Variants in STK3 observed in about 807,000 individuals in gnomAD.
The protein encoded by STK3 is serine/threonine kinase 3.
In STK3, 41 loss-of-function variants were observed where a neutral mutation model predicts 58.0. That is an observed-to-expected ratio of 0.71 (90% CI 0.55 to 0.92). The LOEUF (loss-of-function observed/expected upper bound fraction) is 0.92. Among genes scored for constraint, STK3 ranks in the 40% least tolerant of loss-of-function variants. STK3 has a pLI of 0.00. For synonymous variants in STK3, 170 were observed against 191.0 expected (o/e 0.89, Z 0.91); for missense variants, 479 against 602.7 (o/e 0.79, Z 2.15).
At chr8:98,822,963 G>T (rs577385976) in intron 1 of STK3, among the ~76,000 whole-genome samples, 1 of 152,338 alleles carries the variant, frequency 6.6e-6, no homozygotes, top group South Asian at 2.1e-4. Context: ...GGATGCCAGA[G>T]GTTGCAGTGA....
At chr8:98,921,452 A>G (rs1839560092) in intron 1 of STK3, 1 of 152,984 alleles carries the variant, frequency 6.5e-6, no homozygotes, top group Non-Finnish European at 1.5e-5. Context: ...TGGAGTGCTG[A>G]GGGAGGAAGG....
intron 1 of STK3, among the ~76,000 whole-genome samples, chr8:98,803,593 C>CAAAAAAAAAAAAA (rs34316563): frequency 5.1e-5 from 2 of 38,836 alleles, no homozygotes; most frequent in African/African-American, 2.5e-4. Context: ...GACTCTGTTT[C>CAAAAAAAAAAAAA]AAAAAAAAAA....
At chr8:98,661,683 G>A (rs1821975887) in intron 6 of STK3, among the ~76,000 whole-genome samples, 1 of 151,994 alleles carries the variant, frequency 6.6e-6, no homozygotes, top group Non-Finnish European at 1.5e-5. Flanking sequence ...CACTACCTCT[G>A]TCTCCAGTAT....
chr8:98,568,406 A>C (rs1341605361), intron 8 of STK3, among the ~76,000 whole-genome samples: 1 of 152,244 alleles, frequency 6.6e-6, no homozygotes, highest in African/African-American at 2.4e-5. Flanking sequence ...CAGACCAAAA[A>C]TAAGACTTAA....
chr8:98,647,996 AT>A (rs1267763898), intron 6 of STK3, among the ~76,000 whole-genome samples: 4 of 152,140 alleles, frequency 2.6e-5, no homozygotes, highest in African/African-American at 9.7e-5. Flanking sequence ...CTTGGGCTTT[AT>A]TCAAATACAA....
chr8:98,645,284 C>G (rs1179093631), intron 6 of STK3, among the ~76,000 whole-genome samples: 2 of 152,174 alleles, frequency 1.3e-5, no homozygotes, highest in Non-Finnish European at 2.9e-5. Flanking sequence ...GTTCATCCTC[C>G]TACTCAGTAG....
chr8:98,456,694 C>T (rs1586603440), intron 10 of STK3, among the ~76,000 whole-genome samples: 1 of 152,204 alleles, frequency 6.6e-6, no homozygotes, highest in Non-Finnish European at 1.5e-5. Context: ...CCTGCCTTGA[C>T]CTCCTCAGTA....
intron 6 of STK3, among the ~76,000 whole-genome samples, chr8:98,670,345 G>C (rs1822734625): frequency 3.3e-5 from 5 of 152,146 alleles, no homozygotes; most frequent in Admixed American, 3.3e-4. Context: ...CTGGGTTACA[G>C]AGTGGGGCCT....
intron 6 of STK3, among the ~76,000 whole-genome samples, chr8:98,631,470 G>A (rs1488535016): frequency 6.6e-6 from 1 of 152,058 alleles, no homozygotes; most frequent in Non-Finnish European, 1.5e-5. Flanking sequence ...TGACTAGAAC[G>A]TTCTTTCCCC....
At chr8:98,671,597 T>C (rs1389095439) in intron 6 of STK3, among the ~76,000 whole-genome samples, 1 of 152,094 alleles carries the variant, frequency 6.6e-6, no homozygotes, top group Admixed American at 6.5e-5. Context: ...TTTGTTTTTT[T>C]GGGACAGGGT....
intron 3 of STK3, among the ~76,000 whole-genome samples, chr8:98,840,823 G>C (rs1406051809): frequency 1.3e-5 from 2 of 151,818 alleles, no homozygotes; most frequent in African/African-American, 2.4e-5. Context: ...CTCTCAAAAG[G>C]CTGCAGTTGA....
chr8:98,905,590 C>G lies in STK3; in HGVS notation c.-78-21756G>C, dbSNP rs1309484066. On this transcript the variant is annotated intron_variant, in intron 1 of 1. Transcript: ENST00000519420. ...TTCTTAATGATGTCACATTCCAGCA[C>G]CTTCCCTACTGCTTGAAAAGAGAGC... is the stretch of plus-strand genomic sequence containing the variant. The G allele has an allele frequency of 7.7e-6, 8 of 1,042,190 alleles. No individual in the cohort carries two copies. In the Admixed American group the frequency reaches 1.0e-4, roughly 13 times the overall value. 64.6% of individuals were successfully genotyped at this position (1,042,190 alleles called of 1,614,324 possible).
intron 3 of STK3, among the ~76,000 whole-genome samples, chr8:98,855,678 A>C (rs948413591): frequency 6.6e-6 from 1 of 152,182 alleles, no homozygotes; most frequent in Non-Finnish European, 1.5e-5. Context: ...GTCAACATTA[A>C]GAACTTTTGT....
At chr8:98,561,792 A>G (rs1812055411) in intron 8 of STK3, among the ~76,000 whole-genome samples, 1 of 152,204 alleles carries the variant, frequency 6.6e-6, no homozygotes, top group African/African-American at 2.4e-5. Context: ...CGTATCCAAA[A>G]TACACAAACT....
At chr8:98,796,314 GA>G (rs2131603302) in intron 1 of STK3, among the ~76,000 whole-genome samples, 1 of 152,236 alleles carries the variant, frequency 6.6e-6, no homozygotes, top group South Asian at 2.1e-4. Context: ...CAATGGAACT[GA>G]AAAGAGAACC....
At chr8:98,650,259 T>C (rs1392451430) in intron 6 of STK3, among the ~76,000 whole-genome samples, 1 of 152,104 alleles carries the variant, frequency 6.6e-6, no homozygotes, top group Non-Finnish European at 1.5e-5. Context: ...TAAATAACGA[T>C]AATGATAATA....
chr8:98,518,141 A>T (rs1338121245), intron 10 of STK3, among the ~76,000 whole-genome samples: 1 of 152,076 alleles, frequency 6.6e-6, no homozygotes, highest in African/African-American at 2.4e-5. Flanking sequence ...ACATCTTAAT[A>T]AATTATAACA....
intron 6 of STK3, among the ~76,000 whole-genome samples, chr8:98,639,434 T>C (rs1258352694): frequency 6.6e-6 from 1 of 152,172 alleles, no homozygotes; most frequent in Non-Finnish European, 1.5e-5. Flanking sequence ...TTAATCCTCC[T>C]GAAATAGATG....
At chr8:98,730,705 G>A (rs1176777956) in intron 4 of STK3, among the ~76,000 whole-genome samples, 2 of 109,522 alleles carry the variant, frequency 1.8e-5, no homozygotes, top group Non-Finnish European at 3.4e-5. Flanking sequence ...AACAGGGCAA[G>A]ACTCCGTCTC....
Sources: allele counts gnomAD v4.1 joint callset (sites outside exome capture counted in the v4.1 genomes callset), GRCh38; gene constraint gnomAD v4.1.1; transcripts MANE v1.5; gene names NCBI Gene and HGNC (gene_info 2026-07-23, HGNC 2026-07-21).